Variants in DSG2 observed in about 807,000 individuals in gnomAD.
The protein encoded by DSG2 is desmoglein-2.
DSG2 carries 45 observed loss-of-function variants against 75.6 expected under a neutral mutation model. The ratio of observed to expected loss-of-function variants is 0.60; its 90% CI spans 0.47 to 0.76. DSG2 has a LOEUF of 0.76. Ranked by LOEUF, DSG2 falls within the 30% of genes least tolerant of loss-of-function variation. The pLI, the probability that DSG2 is intolerant of heterozygous loss-of-function variation, is 0.00. For missense variants in DSG2, 1,267 were observed against 1,357.4 expected, an observed-to-expected ratio of 0.93 and a Z score of 1.05; for synonymous variants, 429 against 483.9, an observed-to-expected ratio of 0.89 and a Z score of 1.49.
intron 9 of DSG2, among the ~76,000 whole-genome samples, chr18:31,531,658 T>C (rs1192643646): frequency 1.3e-5 from 2 of 152,374 alleles, no homozygotes; most frequent in East Asian, 3.9e-4. Flanking sequence ...TATTTTAATA[T>C]GGGGAAACCA....
chr18:31,513,035 A>G (rs1304768765), intron 1 of DSG2, among the ~76,000 whole-genome samples: 1 of 152,224 alleles, frequency 6.6e-6, no homozygotes, highest in African/African-American at 2.4e-5. Context: ...AGTCACTGCA[A>G]TAGTTACATT....
chr18:31,537,095 A>G (rs956015306), intron 11 of DSG2, among the ~76,000 whole-genome samples: 3 of 149,686 alleles, frequency 2.0e-5, no homozygotes, highest in Non-Finnish European at 4.4e-5. Context: ...CCAGAAAACT[A>G]TTTTGTTTTA....
Position 31,546,080 on chromosome 18 carries a change from T to A in DSG2, c.2694T>A (p.Asn898Lys), listed in dbSNP as rs1246005488. ...FPVPKSLQEA[N>K]AEKVTQEIVT... is the part of the protein sequence containing the mutation. ...TTCCAAAATCTTTGCAAGAAGCCAA[T>A]GCAGAGAAAGTAACTCAGGAAATAG... is the stretch of plus-strand genomic sequence containing the variant. The change falls in exon 15 of 15, where the codon AAT becomes AAA. Residue 898 changes from asparagine (N) to lysine (K), a missense_variant. Physicochemically the swap from Asn to Lys is moderately conservative, Grantham distance 94 (BLOSUM62 0). Transcript: ENST00000261590. 2 of 1,614,180 alleles carry A rather than the reference T, an allele frequency of 1.2e-6. No individual in the cohort carries two copies. The highest frequency in any genetic ancestry group is 2.2e-5 in the South Asian group (2 of 91,084).
Position 31,523,772 on chromosome 18 carries a change from G to A in DSG2, c.691-676G>A, listed in dbSNP as rs866313927. ...ACATAAAGAACCCGAAGGTCAAAGC[G>A]AATAAGTGCATGTCCAACACAGTCA... On this transcript the variant is annotated intron_variant, in intron 6 of 14. Transcript: ENST00000261590. Among the ~76,000 whole-genome samples, 12 of 152,300 alleles carry A rather than the reference G, an allele frequency of 7.9e-5. No individual in the cohort carries two copies. The Middle Eastern group carries it at 0.014, about 173-fold the overall frequency.
At chr18:31,536,759 C>T (rs990468013) in intron 11 of DSG2, among the ~76,000 whole-genome samples, 1 of 152,190 alleles carries the variant, frequency 6.6e-6, no homozygotes, top group African/African-American at 2.4e-5. Flanking sequence ...ACAGTAATTC[C>T]ATTTAAAACA....
Position 31,529,784 on chromosome 18 carries a change from T to TA in DSG2, c.1015-1202dup, listed in dbSNP as rs1048140350. ...TTTAGTGCATCTAAATGGTCAGAGA[T>TA]ACTGGAAATAAAAAGCAACAGGACC... On this transcript the variant is annotated intron_variant, in intron 8 of 14. Transcript: ENST00000261590. 2.6e-5 allele frequency among the ~76,000 whole-genome samples: 4 copies of TA among 152,186 alleles called. 1 individual carries two copies. The highest frequency in any genetic ancestry group is 2.0e-4 in the Admixed American group (3 of 15,280).
intron 6 of DSG2, among the ~76,000 whole-genome samples, chr18:31,523,674 C>CT (rs1310355861): frequency 6.6e-6 from 1 of 152,148 alleles, no homozygotes; most frequent in African/African-American, 2.4e-5. Flanking sequence ...TGTTCTAAGC[C>CT]TTTTTATGGA....
intron 13 of DSG2, among the ~76,000 whole-genome samples, chr18:31,541,826 G>A (rs2073270096): frequency 6.6e-6 from 1 of 152,158 alleles, no homozygotes; most frequent in South Asian, 2.1e-4. Context: ...ATAGGATTTA[G>A]CATCAGGTGG....
intron 3 of DSG2, among the ~76,000 whole-genome samples, chr18:31,520,545 A>C (rs983607141): frequency 1.3e-5 from 2 of 152,186 alleles, no homozygotes; most frequent in Non-Finnish European, 2.9e-5. Context: ...TTTTCAAGCC[A>C]AAAATGTACC....
intron 1 of DSG2, among the ~76,000 whole-genome samples, chr18:31,500,744 G>A (rs2073009493): frequency 6.6e-6 from 1 of 152,122 alleles, no homozygotes; most frequent in East Asian, 1.9e-4. Context: ...ATTTAGGCCA[G>A]CTGTATCAAA....
chr18:31,529,049 G>A (rs184241760), intron 8 of DSG2, among the ~76,000 whole-genome samples: 1 of 151,916 alleles, frequency 6.6e-6, no homozygotes, highest in African/African-American at 2.4e-5. Flanking sequence ...GGAGATGAAC[G>A]GATATTTTTA....
At chr18:31,500,343 C>T (rs1233887552) in intron 1 of DSG2, among the ~76,000 whole-genome samples, 1 of 152,228 alleles carries the variant, frequency 6.6e-6, no homozygotes, top group Non-Finnish European at 1.5e-5. Context: ...AGGAACTGCA[C>T]TGCCACTCCC....
chr18:31,525,518 C>CAAAAAAAA (rs142906831), intron 8 of DSG2, among the ~76,000 whole-genome samples: 1 of 130,672 alleles, frequency 7.7e-6, no homozygotes. Flanking sequence ...GACCCTGACT[C>CAAAAAAAA]AAAAAAAAAA....
rs2073265718 is a variant in DSG2, at chr18:31,541,261, A to G, written c.1948A>G (p.Thr650Ala). The stretch of plus-strand genomic sequence containing the variant: ...CAAAGGCTTTACCCCCATACCTGGC[A>G]CCATAGAGATGCTGCATCCTTGGAA... ...GAKGFTPIPG[T>A]IEMLHPWNNE... Residue 650 changes from threonine to alanine, a missense_variant, in exon 13 of 15, where the codon ACC becomes GCC. Thr to Ala is a moderately conservative substitution (Grantham distance 58). Coordinates refer to ENST00000261590, the MANE Select transcript of DSG2 (RefSeq NM_001943.5). 6.2e-7 allele frequency: 1 copy of G among 1,614,144 alleles called. No homozygotes were observed. Among genetic ancestry groups the G allele is most frequent in the Non-Finnish European group, 8.5e-7 (1 of 1,180,000 alleles).
chr18:31,535,222 C>T (rs557206856), intron 9 of DSG2, 48 bp from the exon 10 acceptor site: 2 of 1,297,488 alleles, frequency 1.5e-6, no homozygotes, highest in Non-Finnish European at 2.2e-6. Context: ...TTAGAGGTTT[C>T]CAATTCATGC....
At chr18:31,518,311 C>T in intron 2 of DSG2, 37 bp downstream of exon 2, 1 of 1,582,496 alleles carries the variant, frequency 6.3e-7, no homozygotes, top group East Asian at 2.2e-5. Flanking sequence ...CCTTCTGACT[C>T]AGGAGGGTTA....
chr18:31,515,105 T>TTTTG (rs919718644), intron 1 of DSG2, among the ~76,000 whole-genome samples: 1 of 152,046 alleles, frequency 6.6e-6, no homozygotes, highest in Non-Finnish European at 1.5e-5. Flanking sequence ...TATTAAATTT[T>TTTTG]TTTGTTTGTT....
At chr18:31,540,943 CACAG>C (rs2073262954) in intron 12 of DSG2, among the ~76,000 whole-genome samples, 1 of 152,058 alleles carries the variant, frequency 6.6e-6, no homozygotes, top group Admixed American at 6.5e-5. Flanking sequence ...ACTCAGCAGC[CACAG>C]ACAGCCTCTT....
rs121913009 is a variant in DSG2 at position 31,536,298 on chromosome 18, G to A, written c.1520G>A (p.Cys507Tyr). 9.9e-6 allele frequency: 16 copies of A among 1,614,070 alleles called. No homozygotes were observed. The highest frequency in any genetic ancestry group is 1.3e-5 in the African/African-American group (1 of 74,932). The change falls in exon 11 of 15, where the codon TGT becomes TAT. Residue 507 changes from cysteine to tyrosine, a missense_variant. Transcript: ENST00000261590. ...CTGATAGAGCCTGTGCAGACAATCTGTCACGATGCAGAGTATGTGAATGTT... is the reference window on the plus strand; with the variant it reads ...CTGATAGAGCCTGTGCAGACAATCTATCACGATGCAGAGTATGTGAATGTT... ...PTLIEPVQTI[C>Y]HDAEYVNVTA...
Sources: gnomAD v4.1 joint callset for allele counts (sites outside exome capture counted in the v4.1 genomes callset) on GRCh38, gnomAD v4.1.1 for gene constraint, MANE v1.5 for transcripts, NCBI Gene and HGNC (gene_info 2026-07-23, HGNC 2026-07-21) for gene names.